The following KCNMB2 variants were observed in gnomAD, a reference collection of about 807,000 sequenced individuals.
KCNMB2 encodes the protein calcium-activated potassium channel subunit beta-2.
In KCNMB2, 9 loss-of-function variants were observed where a neutral mutation model predicts 24.5. That is an observed-to-expected ratio of 0.37 (90% CI 0.22 to 0.64). The LOEUF is 0.64. Among genes scored for constraint, KCNMB2 ranks in the 30% least tolerant of loss-of-function variants. KCNMB2 has a pLI of 0.63. For synonymous variants in KCNMB2, 109 were observed against 104.4 expected (o/e 1.04, Z -0.27); for missense variants, 226 against 284.3 (o/e 0.79, Z 1.47).
chr3:178,759,607 A>T (rs1442280981), intron 1 of KCNMB2, among the ~76,000 whole-genome samples: 1 of 129,952 alleles, frequency 7.7e-6, no homozygotes, highest in Non-Finnish European at 1.6e-5. Context: ...CTCCAAGAGG[A>T]TATATATACA....
intron 1 of KCNMB2, among the ~76,000 whole-genome samples, chr3:178,657,740 C>G (rs1366653544): frequency 6.6e-6 from 1 of 152,176 alleles, no homozygotes; most frequent in Non-Finnish European, 1.5e-5. Context: ...AGTTCAAGAC[C>G]TGGAGGCTAC....
At chr3:178,741,056 C>T (rs1222469081) in intron 1 of KCNMB2, among the ~76,000 whole-genome samples, 2 of 152,150 alleles carry the variant, frequency 1.3e-5, no homozygotes, top group South Asian at 2.1e-4. Context: ...GAAATATCCT[C>T]GACTGTCTGG....
chr3:178,567,485 C>T (rs969924107), intron 1 of KCNMB2, among the ~76,000 whole-genome samples: 1 of 151,812 alleles, frequency 6.6e-6, no homozygotes, highest in Non-Finnish European at 1.5e-5. Context: ...CACAGAGAAC[C>T]TGAAATCACT....
At chr3:178,718,880 G>T (rs550156096) in intron 1 of KCNMB2, among the ~76,000 whole-genome samples, 2 of 152,032 alleles carry the variant, frequency 1.3e-5, no homozygotes, top group African/African-American at 4.8e-5. Context: ...TAAACTCATA[G>T]TCCTGGATTT....
chr3:178,691,062 C>T (rs1052477613), intron 1 of KCNMB2, among the ~76,000 whole-genome samples: 3 of 147,974 alleles, frequency 2.0e-5, no homozygotes, highest in Non-Finnish European at 4.5e-5. Context: ...CTTAGTCTCC[C>T]GAGTAGCTGG....
chr3:178,667,630 A>C lies in KCNMB2; in HGVS notation c.-68+130919A>C, dbSNP rs1720765286. 2.0e-5 allele frequency among the ~76,000 whole-genome samples: 3 copies of C among 152,130 alleles called. No homozygotes were observed. The South Asian group carries it at 6.2e-4, about 31-fold the overall frequency. ...CACAGTGAGAAGGTGGCCTCAATTT[A>C]CAGCCAAAAAAAAGAGGCTTTAGAA... On this transcript the variant is annotated intron_variant, in intron 1 of 4. Transcript: ENST00000452583.
At chr3:178,767,353 T>C (rs965288503) in intron 1 of KCNMB2, among the ~76,000 whole-genome samples, 3 of 152,176 alleles carry the variant, frequency 2.0e-5, no homozygotes, top group Admixed American at 6.5e-5. Flanking sequence ...CTCAAAGCCA[T>C]GTTATAAATA....
chr3:178,778,155 AGAG>A (rs1220225908), intron 1 of KCNMB2, among the ~76,000 whole-genome samples: 3 of 152,130 alleles, frequency 2.0e-5, no homozygotes, highest in East Asian at 1.9e-4. Context: ...AGGGAATTTG[AGAG>A]GAGTTTTATT....
chr3:178,795,012 A>T (rs1713480815), intron 1 of KCNMB2: 1 of 152,112 alleles, frequency 6.6e-6, no homozygotes, highest in Non-Finnish European at 1.5e-5. Context: ...GATGGAGGGG[A>T]CTCTGAATTA....
At chr3:178,732,823 T>C (rs1723196296) in intron 1 of KCNMB2, among the ~76,000 whole-genome samples, 1 of 152,172 alleles carries the variant, frequency 6.6e-6, no homozygotes, top group Non-Finnish European at 1.5e-5. Flanking sequence ...CCAGGAGTCA[T>C]GGTTTAGTAC....
At chr3:178,616,038 A>C (rs1718693249) in intron 1 of KCNMB2, among the ~76,000 whole-genome samples, 1 of 152,024 alleles carries the variant, frequency 6.6e-6, no homozygotes, top group Non-Finnish European at 1.5e-5. Context: ...GTTGGTATCC[A>C]AGATGCAAAA....
At chr3:178,738,313 C>T (rs1365913221) in intron 1 of KCNMB2, among the ~76,000 whole-genome samples, 1 of 152,216 alleles carries the variant, frequency 6.6e-6, no homozygotes, top group Non-Finnish European at 1.5e-5. Flanking sequence ...AACCTGTGCT[C>T]ATCTATTGGG....
chr3:178,687,040 T>C (rs1457287509), intron 1 of KCNMB2, among the ~76,000 whole-genome samples: 3 of 152,110 alleles, frequency 2.0e-5, no homozygotes, highest in Non-Finnish European at 1.5e-5. Flanking sequence ...GCATGCTTGA[T>C]TTAGAAAAAC....
chr3:178,609,983 T>A (rs1021988547), intron 1 of KCNMB2, among the ~76,000 whole-genome samples: 1 of 152,146 alleles, frequency 6.6e-6, no homozygotes, highest in Non-Finnish European at 1.5e-5. Flanking sequence ...CTAGTTTCAA[T>A]CTTCTGCATG....
At chr3:178,717,763 T>C (rs1455856709) in intron 1 of KCNMB2, among the ~76,000 whole-genome samples, 2 of 151,952 alleles carry the variant, frequency 1.3e-5, no homozygotes, top group Non-Finnish European at 2.9e-5. Flanking sequence ...AGTAGTCTAA[T>C]AAGTGATACA....
At chr3:178,561,180 G>T (rs1013700892) in intron 1 of KCNMB2, among the ~76,000 whole-genome samples, 1 of 152,080 alleles carries the variant, frequency 6.6e-6, no homozygotes, top group Non-Finnish European at 1.5e-5. Context: ...TAAAATTTTA[G>T]TCATAAGGAT....
intron 1 of KCNMB2, among the ~76,000 whole-genome samples, chr3:178,782,045 GT>G (rs1712877950): frequency 8.4e-6 from 1 of 118,918 alleles, no homozygotes; most frequent in Admixed American, 9.2e-5. Context: ...GCGGTGTTTG[GT>G]TTTTTGTTCT....
intron 1 of KCNMB2, among the ~76,000 whole-genome samples, chr3:178,600,802 T>C (rs1718055020): frequency 6.6e-6 from 1 of 152,214 alleles, no homozygotes; most frequent in African/African-American, 2.4e-5. Flanking sequence ...TATAACCCTT[T>C]GGGTATATAC....
At chr3:178,619,126 G>A (rs1026565035) in intron 1 of KCNMB2, among the ~76,000 whole-genome samples, 2 of 152,354 alleles carry the variant, frequency 1.3e-5, no homozygotes, top group Admixed American at 6.5e-5. Flanking sequence ...TTTAGGTTCT[G>A]AGGATACAGA....
Sources: allele counts gnomAD v4.1 joint callset (sites outside exome capture counted in the v4.1 genomes callset), GRCh38; gene constraint gnomAD v4.1.1; transcripts MANE v1.5; gene names NCBI Gene and HGNC (gene_info 2026-07-23, HGNC 2026-07-21).